Variants in AMBRA1 observed in about 807,000 individuals in gnomAD.
AMBRA1 encodes the protein autophagy and beclin 1 regulator 1, also known as activating molecule in BECN1-regulated autophagy protein 1.
A neutral mutation model predicts 125.4 loss-of-function variants in AMBRA1; 47 were observed. That is an observed-to-expected ratio of 0.37 (90% CI 0.30 to 0.48). The LOEUF (loss-of-function observed/expected upper bound fraction) is 0.48. AMBRA1 is among the 20% of genes least tolerant of loss of function. AMBRA1 has a pLI of 0.99. For synonymous variants in AMBRA1, 626 were observed against 655.5 expected, an observed-to-expected ratio of 0.95 and a Z score of 0.69; for missense variants, 1,331 against 1,693.4, an observed-to-expected ratio of 0.79 and a Z score of 3.76.
chr11:46,439,408 T>A (rs1210801246), intron 12 of AMBRA1, among the ~76,000 whole-genome samples: 2 of 151,910 alleles, frequency 1.3e-5, no homozygotes, highest in African/African-American at 4.8e-5. Flanking sequence ...AGAAAAGAAA[T>A]TAATAGTATG....
chr11:46,543,429 T>C, intron 6 of AMBRA1, 31 bp from the exon 7 acceptor site: 3 of 1,605,904 alleles, frequency 1.9e-6, no homozygotes, highest in Non-Finnish European at 2.5e-6. Flanking sequence ...GGGCAGGGGG[T>C]AGAGCAAGGC....
chr11:46,432,670 C>T (rs2136705279), intron 14 of AMBRA1, among the ~76,000 whole-genome samples: 1 of 152,366 alleles, frequency 6.6e-6, no homozygotes, highest in Non-Finnish European at 1.5e-5. Flanking sequence ...ATACGCTACA[C>T]AGCTAAAGAA....
chr11:46,516,417 ATCTT>A (rs1372207305), intron 7 of AMBRA1, among the ~76,000 whole-genome samples: 1 of 134,562 alleles, frequency 7.4e-6, no homozygotes, highest in Admixed American at 7.4e-5. Context: ...TCAAAGAAAG[ATCTT>A]TCTTTTTTTT....
chr11:46,577,550 T>C (rs964351040), intron 1 of AMBRA1, among the ~76,000 whole-genome samples: 1 of 152,054 alleles, frequency 6.6e-6, no homozygotes, highest in Non-Finnish European at 1.5e-5. Context: ...TTGCAGAACA[T>C]TGTGAATGTA....
chr11:46,484,604 C>A (rs942214173), intron 11 of AMBRA1, among the ~76,000 whole-genome samples: 3 of 151,974 alleles, frequency 2.0e-5, no homozygotes, highest in Non-Finnish European at 4.4e-5. Flanking sequence ...ACAGTGTATA[C>A]GCATTCCCTT....
chr11:46,589,794 T>G (rs1387725115), intron 1 of AMBRA1, among the ~76,000 whole-genome samples: 1 of 151,820 alleles, frequency 6.6e-6, no homozygotes, highest in African/African-American at 2.4e-5. Context: ...TAATTTTTTT[T>G]GTATTTTTTA....
At chr11:46,422,382 T>C (rs1281241033) in intron 14 of AMBRA1, among the ~76,000 whole-genome samples, 1 of 152,088 alleles carries the variant, frequency 6.6e-6, no homozygotes, top group Non-Finnish European at 1.5e-5. Flanking sequence ...AGGGAATGAG[T>C]CTGGTTGCCA....
In AMBRA1 at chr11:46,576,584, C is replaced by T. The variant is rs76553194; in HGVS notation, c.-121+17244G>A. 8.7e-3 allele frequency among the ~76,000 whole-genome samples: 1,323 copies of T among 152,306 alleles called. 10 individuals are homozygous for T. The highest frequency in any genetic ancestry group is 0.031 in the African/African-American group (1,272 of 41,556). ...GGAGAAGATACTTCATAATATCCCTCGGTAACAACATTTCAGTATCTTGTA... is the reference window on the plus strand; with the variant it reads ...GGAGAAGATACTTCATAATATCCCTTGGTAACAACATTTCAGTATCTTGTA... On this transcript the variant is annotated intron_variant, in intron 1 of 17. Coordinates refer to ENST00000683756, the MANE Select transcript of AMBRA1 (RefSeq NM_001387011.1).
At chr11:46,418,693 C>T (rs1176757573) in intron 14 of AMBRA1, among the ~76,000 whole-genome samples, 1 of 152,096 alleles carries the variant, frequency 6.6e-6, no homozygotes, top group Non-Finnish European at 1.5e-5. Flanking sequence ...TGCCTGAGAA[C>T]TTGGGGCAGC....
chr11:46,455,954 G>A (rs995345598), intron 11 of AMBRA1, among the ~76,000 whole-genome samples: 1 of 152,140 alleles, frequency 6.6e-6, no homozygotes, highest in African/African-American at 2.4e-5. Context: ...GGTGAGGCCT[G>A]TTTTTATCAC....
chr11:46,584,047 C>T lies in AMBRA1; in HGVS notation c.-121+9781G>A, dbSNP rs1176930693. On this transcript the variant is annotated intron_variant, in intron 1 of 17. Coordinates refer to ENST00000683756, the MANE Select transcript of AMBRA1 (RefSeq NM_001387011.1). Reference sequence around the variant, plus strand: ...GGTATATACCCAAAGGACTATAAATCATGCTGCTATAAAGACACATGCACA... The same window carrying T: ...GGTATATACCCAAAGGACTATAAATTATGCTGCTATAAAGACACATGCACA... 2.0e-5 allele frequency among the ~76,000 whole-genome samples: 3 copies of T among 146,462 alleles called. No homozygotes were observed. The South Asian group carries it at 6.8e-4, about 33-fold the overall frequency.
At position 46,485,449 on chromosome 11, in the gene AMBRA1, C is replaced by A. The variant is rs888944749; in HGVS notation, c.2521+8159G>T. On this transcript the variant is annotated intron_variant, in intron 11 of 17. Coordinates refer to ENST00000683756, the MANE Select transcript of AMBRA1 (RefSeq NM_001387011.1). ...GATCCAAGCCCAGGCTTACACCCCA[C>A]CTCCCTTAGCTAATCTATCAAGACT... 7.9e-5 allele frequency among the ~76,000 whole-genome samples: 12 copies of A among 152,376 alleles called. No homozygotes were observed. The East Asian group carries it at 2.3e-3, about 29-fold the overall frequency.
intron 7 of AMBRA1, among the ~76,000 whole-genome samples, chr11:46,527,900 G>A (rs1201503928): frequency 6.6e-6 from 1 of 152,122 alleles, no homozygotes; most frequent in Admixed American, 6.6e-5. Context: ...CAGTATGGAG[G>A]TTCCTCAAAC....
At chr11:46,432,555 A>T (rs1947504377) in intron 14 of AMBRA1, among the ~76,000 whole-genome samples, 1 of 152,138 alleles carries the variant, frequency 6.6e-6, no homozygotes, top group Non-Finnish European at 1.5e-5. Flanking sequence ...AATGCTTCCC[A>T]TTCCAGATAT....
intron 9 of AMBRA1, 152 bp from the exon 10 acceptor site, chr11:46,494,356 C>T (rs904687127): frequency 1.4e-5 from 8 of 587,814 alleles, no homozygotes; most frequent in Non-Finnish European, 2.1e-5. Flanking sequence ...TTAGGCAGCA[C>T]ATTAATAAAA....
At chr11:46,446,100 G>T (rs1948270937) in intron 11 of AMBRA1, among the ~76,000 whole-genome samples, 1 of 152,188 alleles carries the variant, frequency 6.6e-6, no homozygotes, top group South Asian at 2.1e-4. Flanking sequence ...AACATGTAGG[G>T]TTGCCACTGT....
chr11:46,541,822 G>A lies in AMBRA1; in HGVS notation c.2072+123C>T, dbSNP rs936766931. On this transcript the variant is annotated intron_variant, in intron 7 of 17. Transcript: ENST00000683756. The stretch of plus-strand genomic sequence containing the variant: ...AGATTTTCCAAGAAAATGCAATGGC[G>A]AGATCAGAAGCAGATGCGTGGGTCC... The A allele has an allele frequency of 1.1e-5, 15 of 1,313,100 alleles. No homozygotes were observed. In the Admixed American group the frequency reaches 1.2e-4, roughly 10 times the overall value. The allele number at this position is 1,313,100 out of a possible 1,614,324, so 81.3% of individuals were successfully genotyped here.
chr11:46,455,164 G>C (rs1197294682), intron 11 of AMBRA1, among the ~76,000 whole-genome samples: 1 of 151,972 alleles, frequency 6.6e-6, no homozygotes, highest in Non-Finnish European at 1.5e-5. Flanking sequence ...TGGGATTATG[G>C]GCATAAGCCA....
chr11:46,498,865 T>G (rs1326617406), intron 9 of AMBRA1, among the ~76,000 whole-genome samples: 1 of 152,254 alleles, frequency 6.6e-6, no homozygotes, highest in East Asian at 1.9e-4. Flanking sequence ...TATGCTGCTC[T>G]GTTTCTACTC....
Sources: allele counts gnomAD v4.1 joint callset (sites outside exome capture counted in the v4.1 genomes callset), GRCh38; gene constraint gnomAD v4.1.1; transcripts MANE v1.5; gene names NCBI Gene and HGNC (gene_info 2026-07-23, HGNC 2026-07-21).